Variants in TNKS observed in about 807,000 individuals in gnomAD.
TNKS encodes tankyrase.
Under a neutral mutation model 135.8 loss-of-function variants are expected in TNKS, and 72 were observed. The ratio of observed to expected loss-of-function variants is 0.53; its 90% CI spans 0.44 to 0.64. The LOEUF is 0.64. Ranked by LOEUF, TNKS falls within the 30% of genes least tolerant of loss-of-function variation. TNKS has a pLI of 0.00. For synonymous variants in TNKS, 849 were observed against 649.3 expected (o/e 1.31, Z -4.68); for missense variants, 1,769 against 1,674.0 (o/e 1.06, Z -0.99).
chr8:9,622,031 G>A (rs951377430), intron 3 of TNKS, among the ~76,000 whole-genome samples: 1 of 152,090 alleles, frequency 6.6e-6, no homozygotes, highest in Non-Finnish European at 1.5e-5. Context: ...AAAATTATAC[G>A]AATAGTTTAA....
At chr8:9,610,263 G>T (rs1799404547) in intron 2 of TNKS, among the ~76,000 whole-genome samples, 1 of 151,076 alleles carries the variant, frequency 6.6e-6, no homozygotes. Context: ...TGTGTATTTT[G>T]GATGAAAAGA....
At chr8:9,771,140 G>T (rs1807807076) in intron 26 of TNKS, among the ~76,000 whole-genome samples, 1 of 149,014 alleles carries the variant, frequency 6.7e-6, no homozygotes, top group African/African-American at 2.5e-5. Flanking sequence ...GGGAGGGAAG[G>T]AGAGAGAGAG....
rs368243637 is a variant in TNKS, at chr8:9,710,258, C to T, written c.1749+38C>T. ...CCTGAGCAGAGTGCCAGACTCAGCA[C>T]TGAGCAGCCAGCTGCTCTTAACACT... On this transcript the variant is annotated intron_variant, in intron 11 of 26. Transcript: ENST00000310430. 101 of 1,594,844 alleles carry T rather than the reference C, an allele frequency of 6.3e-5. No individual in the cohort carries two copies. The African/African-American group carries it at 1.2e-3, about 18-fold the overall frequency.
chr8:9,657,768 C>G (rs1172780136), intron 3 of TNKS, among the ~76,000 whole-genome samples: 1 of 142,620 alleles, frequency 7.0e-6, no homozygotes, highest in Non-Finnish European at 1.5e-5. Flanking sequence ...GGCGGCTGGC[C>G]GGGCAGGGGG....
intron 24 of TNKS, 34 bp downstream of exon 24, chr8:9,765,831 C>G: frequency 1.9e-6 from 3 of 1,579,728 alleles, no homozygotes; most frequent in Non-Finnish European, 2.6e-6. Flanking sequence ...GGACGTCTCC[C>G]TGGGCCTTTG....
At chr8:9,705,402 C>G (rs1318770722) in intron 6 of TNKS, among the ~76,000 whole-genome samples, 1 of 152,200 alleles carries the variant, frequency 6.6e-6, no homozygotes, top group African/African-American at 2.4e-5. Flanking sequence ...ATAATTAACC[C>G]TACTACCCAG....
chr8:9,703,948 C>T (rs1054669795), intron 5 of TNKS, among the ~76,000 whole-genome samples: 46 of 152,106 alleles, frequency 3.0e-4, no homozygotes, highest in African/African-American at 1.1e-3. Flanking sequence ...AGTAGAGAAC[C>T]TTCTAATAAC....
rs1186615673 is a variant in TNKS, at chr8:9,597,448, A to AATTTGTG, written c.898+17065_898+17066insATTTGTG. ...TACCATCAGCGTGAATTTGTGTTAC[A>AATTTGTG]TTCTTTGTTTAGTATCCTTTGTAAT... is the stretch of plus-strand genomic sequence containing the variant. On this transcript the variant is annotated intron_variant, in intron 2 of 26. Coordinates refer to ENST00000310430, the MANE Select transcript of TNKS (RefSeq NM_003747.3). Among the ~76,000 whole-genome samples the AATTTGTG allele has an allele frequency of 5.1e-3, 779 of 152,284 alleles. 6 individuals carry two copies. Among genetic ancestry groups the AATTTGTG allele is most frequent in the African/African-American group, 0.018 (742 of 41,546 alleles).
intron 2 of TNKS, among the ~76,000 whole-genome samples, chr8:9,603,747 G>A (rs1799108567): frequency 6.6e-6 from 1 of 152,186 alleles, no homozygotes; most frequent in African/African-American, 2.4e-5. Context: ...CGCTCATTCA[G>A]TGCTGAAGAT....
At chr8:9,748,825 T>C (rs191792630) in intron 18 of TNKS, among the ~76,000 whole-genome samples, 43 of 152,356 alleles carry the variant, frequency 2.8e-4, no homozygotes, top group Non-Finnish European at 5.7e-4. Context: ...ATTCTGTATG[T>C]TGGCTAGGAG....
At chr8:9,667,398 C>G (rs546498800) in intron 3 of TNKS, among the ~76,000 whole-genome samples, 18 of 152,312 alleles carry the variant, frequency 1.2e-4, no homozygotes, top group Middle Eastern at 3.4e-3. Context: ...TCCTACAGCC[C>G]TTGCTCTTAT....
In TNKS at chr8:9,571,026, A is replaced by T. The variant is rs1252067661; in HGVS notation, c.674-9133A>T. On this transcript the variant is annotated intron_variant, in intron 1 of 26. Coordinates refer to ENST00000310430, the MANE Select transcript of TNKS (RefSeq NM_003747.3). Reference sequence around the variant, plus strand: ...AAAATGGAGGTAGATTTTGTTTTTTAAAAATTACATTCGGGGGCATTTTGC... The same window carrying T: ...AAAATGGAGGTAGATTTTGTTTTTTTAAAATTACATTCGGGGGCATTTTGC... Among the ~76,000 whole-genome samples the T allele has an allele frequency of 2.0e-5, 3 of 152,206 alleles. No individual in the cohort carries two copies. In the East Asian group the frequency reaches 5.8e-4, roughly 29 times the overall value.
chr8:9,657,436 C>G (rs112721716), intron 3 of TNKS, among the ~76,000 whole-genome samples: 4 of 94,614 alleles, frequency 4.2e-5, no homozygotes, highest in Non-Finnish European at 6.9e-5. Flanking sequence ...CTGACCCCCC[C>G]ACCTCCCTCC....
intron 3 of TNKS, among the ~76,000 whole-genome samples, chr8:9,672,346 A>G (rs981789346): frequency 1.3e-5 from 2 of 152,124 alleles, no homozygotes; most frequent in African/African-American, 4.8e-5. Flanking sequence ...CATCTACCAT[A>G]TATTACAAAA....
chr8:9,748,958 G>A (rs1355664468), intron 18 of TNKS, among the ~76,000 whole-genome samples: 1 of 152,138 alleles, frequency 6.6e-6, no homozygotes, highest in Non-Finnish European at 1.5e-5. Flanking sequence ...GAAGGCAGGG[G>A]CCTCTCTAGT....
chr8:9,731,460 CAAAAAAAAAAAAA>C (rs36213271), intron 14 of TNKS, among the ~76,000 whole-genome samples: 9 of 67,508 alleles, frequency 1.3e-4, no homozygotes, highest in Non-Finnish European at 2.5e-4. Flanking sequence ...AATTCCATCT[CAAAAAAAAAAAAA>C]AAAAAAAAAA....
chr8:9,736,204 C>A (rs1402493535), intron 17 of TNKS, among the ~76,000 whole-genome samples: 1 of 151,482 alleles, frequency 6.6e-6, no homozygotes, highest in Non-Finnish European at 1.5e-5. Context: ...TGTTGGCTTA[C>A]ATTTATCATC....
At chr8:9,624,017 A>AAACAAC (rs570130310) in intron 3 of TNKS, among the ~76,000 whole-genome samples, 1 of 139,236 alleles carries the variant, frequency 7.2e-6, no homozygotes, top group Non-Finnish European at 1.6e-5. Flanking sequence ...AAAAAAGGAA[A>AAACAAC]AACAACAACA....
chr8:9,574,177 T>C lies in TNKS; in HGVS notation c.674-5982T>C, dbSNP rs1322854901. On this transcript the variant is annotated intron_variant, in intron 1 of 26. Coordinates refer to ENST00000310430, the MANE Select transcript of TNKS (RefSeq NM_003747.3). Reference sequence around the variant, plus strand: ...GCTTTGAATATGTAATATAATGTTATTTTTTCTCATGAACTGTTTGGGGAA... The same window carrying C: ...GCTTTGAATATGTAATATAATGTTACTTTTTCTCATGAACTGTTTGGGGAA... Among the ~76,000 whole-genome samples the C allele has an allele frequency of 3.9e-5, 6 of 152,244 alleles. No homozygotes were observed. In the East Asian group the frequency reaches 1.2e-3, roughly 29 times the overall value.
Sources: allele counts gnomAD v4.1 joint callset (sites outside exome capture counted in the v4.1 genomes callset), GRCh38; gene constraint gnomAD v4.1.1; transcripts MANE v1.5; gene names NCBI Gene and HGNC (gene_info 2026-07-23, HGNC 2026-07-21).